CNGB3: variants seen among roughly 807,000 people sequenced by gnomAD.
CNGB3 encodes cyclic nucleotide-gated channel beta-3.
CNGB3 carries 86 observed loss-of-function variants against 92.8 expected under a neutral mutation model. That is an observed-to-expected ratio of 0.93 (90% CI 0.78 to 1.11). CNGB3 has a LOEUF of 1.11. Ranked by LOEUF, CNGB3 falls within the 50% of genes least tolerant of loss-of-function variation. The pLI is 0.00. For missense variants in CNGB3, 1,026 were observed against 956.8 expected (o/e 1.07, Z -0.95); for synonymous variants, 333 against 332.7 (o/e 1.00, Z -0.01).
chr8:86,627,982 T>C (rs551184472), intron 12 of CNGB3, among the ~76,000 whole-genome samples: 3 of 152,342 alleles, frequency 2.0e-5, no homozygotes, highest in South Asian at 4.1e-4. Context: ...TAGTCTCACT[T>C]AATTACTAGT....
chr8:86,587,068 T>A (rs1257712575), intron 15 of CNGB3, among the ~76,000 whole-genome samples: 2 of 147,438 alleles, frequency 1.4e-5, no homozygotes, highest in African/African-American at 5.1e-5. Context: ...GGTTTTGATT[T>A]GCATTTCTCT....
At chr8:86,711,367 A>G in intron 3 of CNGB3, among the ~76,000 whole-genome samples, 1 of 152,214 alleles carries the variant, frequency 6.6e-6, no homozygotes, top group East Asian at 1.9e-4. Context: ...CAACCAATCA[A>G]TCATCACATG....
chr8:86,654,165 C>T (rs534927983), intron 6 of CNGB3, 103 bp from the exon 7 acceptor site: 4 of 801,678 alleles, frequency 5.0e-6, no homozygotes, highest in Non-Finnish European at 8.6e-6. Context: ...TCCTTCCAAT[C>T]TCAGCCAATA....
chr8:86,708,207 A>T (rs1824684303), intron 3 of CNGB3, among the ~76,000 whole-genome samples: 1 of 152,144 alleles, frequency 6.6e-6, no homozygotes, highest in Admixed American at 6.6e-5. Context: ...CTAGGTAAAG[A>T]AGGGGTCTGA....
rs539965130 is a variant in CNGB3, at chr8:86,657,724, CCAGCTCCTG to C, written c.853-3671_853-3663del. 2.2e-3 allele frequency: 1,026 copies of C among 476,436 alleles called. 20 individuals are homozygous for C. The highest frequency in any genetic ancestry group is 0.014 in the South Asian group (842 of 61,180). The allele number at this position is 476,436 out of a possible 1,614,324, so 29.5% of individuals were successfully genotyped here. ...TTGTGGTTGCCCACAAGCCGCAACA[CCAGCTCCTG>C]CAGCTCCTGCAGCTCCAGCAGCTCC... is the stretch of plus-strand genomic sequence containing the variant. On this transcript the variant is annotated intron_variant, in intron 6 of 17. Coordinates refer to ENST00000320005, the MANE Select transcript of CNGB3 (RefSeq NM_019098.5).
At chr8:86,724,474 T>G (rs1035387976) in intron 3 of CNGB3, among the ~76,000 whole-genome samples, 4 of 152,130 alleles carry the variant, frequency 2.6e-5, no homozygotes, top group Non-Finnish European at 5.9e-5. Context: ...GATCAATCAA[T>G]TCATTTGTTA....
intron 6 of CNGB3, among the ~76,000 whole-genome samples, chr8:86,654,586 T>G (rs1381179953): frequency 6.6e-6 from 1 of 152,170 alleles, no homozygotes; most frequent in Non-Finnish European, 1.5e-5. Context: ...ATTTAACTAG[T>G]GCCTAGAATA....
chr8:86,709,707 T>A (rs1824714676), intron 3 of CNGB3, among the ~76,000 whole-genome samples: 1 of 151,958 alleles, frequency 6.6e-6, no homozygotes, highest in African/African-American at 2.4e-5. Context: ...TTAAAAAAAA[T>A]AAATGAAAAC....
chr8:86,598,197 C>G (rs1186449325), intron 15 of CNGB3, among the ~76,000 whole-genome samples: 1 of 151,968 alleles, frequency 6.6e-6, no homozygotes, highest in East Asian at 1.9e-4. Flanking sequence ...ATCTGTGTTT[C>G]CAAAAGATCC....
intron 14 of CNGB3, among the ~76,000 whole-genome samples, chr8:86,607,531 G>A (rs1276905567): frequency 1.3e-5 from 2 of 152,202 alleles, no homozygotes; most frequent in Non-Finnish European, 2.9e-5. Context: ...TACTCAAAGT[G>A]TGGTTCCTGG....
At chr8:86,582,498 A>T (rs1326282994) in intron 15 of CNGB3, among the ~76,000 whole-genome samples, 2 of 152,200 alleles carry the variant, frequency 1.3e-5, no homozygotes, top group African/African-American at 4.8e-5. Flanking sequence ...TGCCAAAAGA[A>T]ACAAAACAAA....
chr8:86,734,106 TCTTGGG>T (rs1825205725), intron 2 of CNGB3, among the ~76,000 whole-genome samples: 1 of 152,162 alleles, frequency 6.6e-6, no homozygotes, highest in Non-Finnish European at 1.5e-5. Flanking sequence ...AATCCTCCTG[TCTTGGG>T]CTCCCAAAGC....
chr8:86,660,636 C>A, intron 6 of CNGB3: 1 of 533,646 alleles, frequency 1.9e-6, no homozygotes, highest in South Asian at 1.4e-5. Context: ...ACTAAGATGG[C>A]ATTTATTTGC....
chr8:86,652,668 A>G (rs981683234), intron 7 of CNGB3, among the ~76,000 whole-genome samples: 1 of 152,040 alleles, frequency 6.6e-6, no homozygotes, highest in Non-Finnish European at 1.5e-5. Context: ...AGGATCATCA[A>G]TATCACTGTC....
intron 10 of CNGB3, among the ~76,000 whole-genome samples, chr8:86,642,765 G>C (rs1052887157): frequency 1.3e-5 from 2 of 151,594 alleles, no homozygotes; most frequent in Non-Finnish European, 3.0e-5. Context: ...CCATTTCTGA[G>C]TCCTGATTCT....
At chr8:86,665,094 T>C (rs535668458) in intron 6 of CNGB3, among the ~76,000 whole-genome samples, 1 of 152,278 alleles carries the variant, frequency 6.6e-6, no homozygotes, top group African/African-American at 2.4e-5. Flanking sequence ...GTCACCATAT[T>C]GGACAGTGCG....
Position 86,575,745 on chromosome 8 carries a change from A to T in CNGB3, c.*59T>A. ...GTTTCCCCTCGTTAATTTAAGTTAC[A>T]ATCCTAGGTACAATCACTTTGGGAA... On this transcript the variant is annotated 3_prime_UTR_variant, in exon 18 of 18. Coordinates refer to ENST00000320005, the MANE Select transcript of CNGB3 (RefSeq NM_019098.5). The T allele has an allele frequency of 6.7e-7, 1 of 1,484,476 alleles. No homozygotes were observed. Among genetic ancestry groups the T allele is most frequent in the Non-Finnish European group, 9.4e-7 (1 of 1,069,122 alleles). 92.0% of individuals were successfully genotyped at this position (1,484,476 alleles called of 1,614,324 possible).
intron 3 of CNGB3, among the ~76,000 whole-genome samples, chr8:86,726,078 C>G (rs1348143): frequency 0.36 from 54,841 of 152,024 alleles, 10,772 homozygotes; most frequent in East Asian, 0.56. Flanking sequence ...GTAATTATTC[C>G]TGGTTAGCAT....
At chr8:86,695,163 G>C (rs966240778) in intron 3 of CNGB3, among the ~76,000 whole-genome samples, 1 of 30,314 alleles carries the variant, frequency 3.3e-5, no homozygotes, top group Non-Finnish European at 4.7e-5. Flanking sequence ...CAGGCGTGGC[G>C]GTGGCGCCTG....
Sources: allele counts gnomAD v4.1 joint callset (sites outside exome capture counted in the v4.1 genomes callset), GRCh38; gene constraint gnomAD v4.1.1; transcripts MANE v1.5; gene names NCBI Gene and HGNC (gene_info 2026-07-23, HGNC 2026-07-21).